The following PPP2R5D variants were observed in gnomAD, a reference collection of about 807,000 sequenced individuals.
PPP2R5D encodes the protein serine/threonine-protein phosphatase 2A 56 kDa regulatory subunit delta isoform.
In PPP2R5D, 12 loss-of-function variants were observed where a neutral mutation model predicts 79.1. That is an observed-to-expected ratio of 0.15 (90% CI 0.10 to 0.25). The LOEUF is 0.25. Among genes scored for constraint, PPP2R5D ranks in the 10% least tolerant of loss-of-function variants. The pLI, the probability that PPP2R5D is intolerant of heterozygous loss-of-function variation, is 1.00. For missense variants in PPP2R5D, 419 were observed against 760.2 expected, an observed-to-expected ratio of 0.55 and a Z score of 5.28; for synonymous variants, 277 against 286.6, an observed-to-expected ratio of 0.97 and a Z score of 0.34.
intron 2 of PPP2R5D, among the ~76,000 whole-genome samples, chr6:43,001,516 G>T (rs1438297211): frequency 6.6e-6 from 1 of 152,100 alleles, no homozygotes; most frequent in Non-Finnish European, 1.5e-5. Flanking sequence ...GGAGATTCTA[G>T]GCTGCATTCC....
intron 2 of PPP2R5D, among the ~76,000 whole-genome samples, chr6:43,002,172 T>TC (rs1364805134): frequency 1.3e-5 from 2 of 151,928 alleles, no homozygotes; most frequent in East Asian, 3.9e-4. Flanking sequence ...TGTTCTTTTT[T>TC]TTTTTTTTTG....
At chr6:42,993,735 A>G (rs1279392803) in intron 2 of PPP2R5D, among the ~76,000 whole-genome samples, 1 of 152,220 alleles carries the variant, frequency 6.6e-6, no homozygotes, top group Non-Finnish European at 1.5e-5. Context: ...TTCTAAGGAC[A>G]CCAGTCATAT....
rs1009836456 is a variant in PPP2R5D at position 42,984,615 on chromosome 6, G to C, written c.-63G>C. ...AAGAGACGCCGAGCGGGCCGAGTGC[G>C]GCCGAGCAAAGCCGGAGCCGGAGCG... On this transcript the variant is annotated 5_prime_UTR_variant, in exon 1 of 16. Transcript: ENST00000485511. The C allele has an allele frequency of 2.6e-6, 4 of 1,551,180 alleles. No homozygotes were observed. The highest frequency in any genetic ancestry group is 3.5e-6 in the Non-Finnish European group (4 of 1,149,460).
intron 2 of PPP2R5D, among the ~76,000 whole-genome samples, chr6:42,994,281 C>T (rs967728317): frequency 2.6e-5 from 4 of 152,098 alleles, no homozygotes; most frequent in African/African-American, 9.7e-5. Flanking sequence ...GAGAGCAAGA[C>T]TCTTGTCTCA....
chr6:43,006,476 C>G lies in PPP2R5D; in HGVS notation c.119C>G (p.Pro40Arg). Reference sequence around the variant, plus strand: ...TTGTTTGACCAGGCCCAGCCGCAGCCCCAGCCCCAGCCCCAGCCCCAAGCC... The same window carrying G: ...TTGTTTGACCAGGCCCAGCCGCAGCGCCAGCCCCAGCCCCAGCCCCAAGCC... ...GENTEEAQPQ[P>R]QPQPQPQAQS... Residue 40 changes from proline to arginine, a missense_variant, in exon 3 of 16, where the codon CCC (proline) becomes CGC (arginine). Around this residue, in one of 5 missense-constraint regions of PPP2R5D, gnomAD observed 110 missense variants for 147.6 expected, o/e 0.75. Transcript: ENST00000485511. The surrounding 1 kb of genome is among the most constrained non-coding windows in gnomAD (Gnocchi z 4.7). 1 of 1,612,862 alleles carries G rather than the reference C, an allele frequency of 6.2e-7. No individual in the cohort carries two copies. The highest frequency in any genetic ancestry group is 8.5e-7 in the Non-Finnish European group (1 of 1,179,656).
At chr6:42,997,153 G>A (rs1172546137) in intron 2 of PPP2R5D, among the ~76,000 whole-genome samples, 3 of 150,902 alleles carry the variant, frequency 2.0e-5, no homozygotes, top group Non-Finnish European at 4.4e-5. Context: ...CCGCTACCAC[G>A]CCCGGCTAAA....
At chr6:42,990,567 A>G (rs533018506) in intron 2 of PPP2R5D, among the ~76,000 whole-genome samples, 14 of 152,200 alleles carry the variant, frequency 9.2e-5, no homozygotes, top group African/African-American at 3.4e-4. Context: ...AGATACAAGC[A>G]CTTTTCACAC....
At position 43,007,543 on chromosome 6, in the gene PPP2R5D, C is replaced by G; in HGVS notation, c.726+37C>G. ...AGTTCCTGTCCTTGCCCTCTCTTTC[C>G]ATTCCATGCCCCCTTCATCTGTGTC... On this transcript the variant is annotated intron_variant, in intron 6 of 15. Transcript: ENST00000485511. The surrounding 1 kb of genome is among the most constrained non-coding windows in gnomAD (Gnocchi z 4.5). 1 of 1,515,676 alleles carries G rather than the reference C, an allele frequency of 6.6e-7. No homozygotes were observed. The highest frequency in any genetic ancestry group is 9.2e-7 in the Non-Finnish European group (1 of 1,090,674). The allele number at this position is 1,515,676 out of a possible 1,614,324, so 93.9% of individuals were successfully genotyped here.
At chr6:42,993,293 G>A (rs1439403268) in intron 2 of PPP2R5D, among the ~76,000 whole-genome samples, 6 of 143,084 alleles carry the variant, frequency 4.2e-5, no homozygotes, top group Non-Finnish European at 7.6e-5. Context: ...GCGAAACTCC[G>A]TCTCAAAAAA....
intron 2 of PPP2R5D, among the ~76,000 whole-genome samples, chr6:42,993,626 A>G (rs1253194370): frequency 1.3e-5 from 2 of 152,202 alleles, no homozygotes; most frequent in Non-Finnish European, 2.9e-5. Context: ...GCTTTTGACA[A>G]TCTTTGGCAT....
At chr6:42,990,547 A>C (rs1398086614) in intron 2 of PPP2R5D, among the ~76,000 whole-genome samples, 1 of 151,994 alleles carries the variant, frequency 6.6e-6, no homozygotes, top group Non-Finnish European at 1.5e-5. Flanking sequence ...GTGATAGGTC[A>C]CCTCTAAAGA....
At chr6:42,985,834 A>G (rs1770803438) in intron 1 of PPP2R5D, among the ~76,000 whole-genome samples, 1 of 149,160 alleles carries the variant, frequency 6.7e-6, no homozygotes, top group Non-Finnish European at 1.5e-5. Flanking sequence ...CTGGAGTGCA[A>G]TGGCGCGATC....
At chr6:43,003,866 C>G (rs1189379484) in intron 2 of PPP2R5D, among the ~76,000 whole-genome samples, 2 of 151,908 alleles carry the variant, frequency 1.3e-5, no homozygotes, top group African/African-American at 2.4e-5. Flanking sequence ...TCCCGAGTAG[C>G]TGGGACTACA....
rs929533981 is a variant in PPP2R5D at position 43,010,267 on chromosome 6, T to C, written c.1380-201T>C. Among the ~76,000 whole-genome samples the C allele has an allele frequency of 1.3e-5, 2 of 152,090 alleles. No individual in the cohort carries two copies. The highest frequency in any genetic ancestry group is 1.9e-4 in the East Asian group (1 of 5,194). On this transcript the variant is annotated intron_variant, in intron 12 of 15. Transcript: ENST00000485511. This position sits in a 1 kb window ranked among gnomAD's most constrained non-coding sequence, Gnocchi z 4.7. ...GGAAGGATGGACAGGTGGACCGATA[T>C]TTGTGAAAACCATGAAATGCCAGTC...
chr6:42,996,479 TA>T (rs76721028), intron 2 of PPP2R5D, among the ~76,000 whole-genome samples: 11 of 134,264 alleles, frequency 8.2e-5, no homozygotes, highest in Non-Finnish European at 1.2e-4. Flanking sequence ...TAAAAAAAAA[TA>T]AAAAAAAAAT....
rs1472078478 is a variant in PPP2R5D, at chr6:43,010,679, G to A, written c.1497G>A (p.Met499Ile). 3.1e-6 allele frequency: 5 copies of A among 1,613,956 alleles called. No individual in the cohort carries two copies. Among genetic ancestry groups the A allele is most frequent in the South Asian group, 1.1e-5 (1 of 91,082 alleles). ...KAEKQKGRFR[M>I]KEREEMWQKI... ...TGCTCCTCAGGGGCCGGTTCCGAAT[G>A]AAGGAAAGGGAAGAGATGTGGCAAA... The change falls in exon 14 of 16, where the codon ATG becomes ATA. Residue 499 changes from methionine (M) to isoleucine (I), a missense_variant. By Grantham distance (10) the Met-to-Ile change is conservative (BLOSUM62 1). Transcript: ENST00000485511. The surrounding 1 kb of genome is among the most constrained non-coding windows in gnomAD (Gnocchi z 4.7).
chr6:42,995,430 GC>G (rs1255549859), intron 2 of PPP2R5D, among the ~76,000 whole-genome samples: 1 of 152,070 alleles, frequency 6.6e-6, no homozygotes, highest in Admixed American at 6.6e-5. Flanking sequence ...ACTGTGCCCT[GC>G]CCAACTTCCT....
Position 43,010,828 on chromosome 6 carries a change from G to A in PPP2R5D, c.1555-53G>A. 6.3e-7 allele frequency: 1 copy of A among 1,593,372 alleles called. No homozygotes were observed. Among genetic ancestry groups the A allele is most frequent in the South Asian group, 1.1e-5 (1 of 89,204 alleles). ...TGGGGGAGGAATATGGGGCACACAG[G>A]CCCCCAAGCCTCTGAAGTGGCTCTT... On this transcript the variant is annotated intron_variant, in intron 14 of 15. Coordinates refer to ENST00000485511, the MANE Select transcript of PPP2R5D (RefSeq NM_006245.4). This position sits in a 1 kb window ranked among gnomAD's most constrained non-coding sequence, Gnocchi z 4.7.
chr6:43,000,537 C>T (rs1772108357), intron 2 of PPP2R5D, among the ~76,000 whole-genome samples: 1 of 152,180 alleles, frequency 6.6e-6, no homozygotes, highest in Admixed American at 6.5e-5. Flanking sequence ...GCCACCGTGC[C>T]TGGCTACCTT....
Sources: gnomAD v4.1 joint callset for allele counts (sites outside exome capture counted in the v4.1 genomes callset) on GRCh38, gnomAD v4.1.1 for gene constraint, gnomAD v4.1.1 regional missense constraint, Gnocchi (gnomAD v3.1) non-coding constraint, MANE v1.5 for transcripts, NCBI Gene and HGNC (gene_info 2026-07-23, HGNC 2026-07-21) for gene names.